PLCH1: variants seen among roughly 807,000 people sequenced by gnomAD.
PLCH1 encodes 1-phosphatidylinositol 4,5-bisphosphate phosphodiesterase eta-1.
Under a neutral mutation model 126.7 loss-of-function variants are expected in PLCH1, and 60 were observed. The observed-to-expected ratio is 0.47, with a 90% CI of 0.38 to 0.59. The LOEUF is 0.59. PLCH1 is among the 20% of genes least tolerant of loss of function. The pLI, the probability that PLCH1 is intolerant of heterozygous loss-of-function variation, is 0.00. For missense variants in PLCH1, 1,723 were observed against 2,040.0 expected (o/e 0.84, Z 2.99); for synonymous variants, 719 against 734.9 (o/e 0.98, Z 0.35).
At chr3:155,501,234 ATAAC>A (rs1334839895) in intron 13 of PLCH1, among the ~76,000 whole-genome samples, 1 of 152,208 alleles carries the variant, frequency 6.6e-6, no homozygotes, top group Non-Finnish European at 1.5e-5. Flanking sequence ...AAAAAAATAA[ATAAC>A]TACCATTTCT....
intron 6 of PLCH1, among the ~76,000 whole-genome samples, chr3:155,574,869 G>A (rs569104340): frequency 6.6e-6 from 1 of 152,172 alleles, no homozygotes; most frequent in South Asian, 2.1e-4. Flanking sequence ...GGTGGCTCAT[G>A]CCTGTATTCC....
chr3:155,569,084 A>G (rs868094842), intron 6 of PLCH1, among the ~76,000 whole-genome samples: 8 of 152,302 alleles, frequency 5.3e-5, no homozygotes, highest in Middle Eastern at 6.8e-3. Flanking sequence ...TAATATTAAT[A>G]TTATTGAGTC....
chr3:155,542,086 G>A (rs946643106), intron 10 of PLCH1, among the ~76,000 whole-genome samples: 7 of 152,228 alleles, frequency 4.6e-5, no homozygotes, highest in Admixed American at 1.3e-4. Context: ...GCAAGGCATT[G>A]CCTCAATCGG....
Position 155,481,769 on chromosome 3 carries a change from G to C in PLCH1, c.4257C>G (p.Val1419=), listed in dbSNP as rs1168097613. 6.2e-7 allele frequency: 1 copy of C among 1,613,950 alleles called. No homozygotes were observed. Among genetic ancestry groups the C allele is most frequent in the Non-Finnish European group, 8.5e-7 (1 of 1,179,948 alleles). ...VPEIFNNIQD[V]KTQSISYLAY... is the part of the protein sequence containing the mutation. Reference sequence around the variant, plus strand: ...CTAGATAAGAAATACTTTGAGTTTTGACATCTTGAATATTGTTGAATATTT... The same window carrying C: ...CTAGATAAGAAATACTTTGAGTTTTCACATCTTGAATATTGTTGAATATTT... The change falls in exon 23 of 23, where the codon GTC becomes GTG. Residue 1419 remains valine, a synonymous_variant. Transcript: ENST00000460012. The surrounding 1 kb of genome is among the most constrained non-coding windows in gnomAD (Gnocchi z 4.2).
At chr3:155,640,101 T>C (rs1739233765) in intron 2 of PLCH1, among the ~76,000 whole-genome samples, 1 of 152,362 alleles carries the variant, frequency 6.6e-6, no homozygotes, top group East Asian at 1.9e-4. Context: ...AACGGACTTA[T>C]ACAAACCTCT....
intron 11 of PLCH1, among the ~76,000 whole-genome samples, chr3:155,521,062 AACTCTTC>A (rs1200720286): frequency 6.6e-6 from 1 of 152,148 alleles, no homozygotes; most frequent in African/African-American, 2.4e-5. Flanking sequence ...CAGCATGGCT[AACTCTTC>A]ACTTCTTTCA....
chr3:155,615,088 G>GA (rs1352516021), intron 2 of PLCH1, among the ~76,000 whole-genome samples: 2 of 151,586 alleles, frequency 1.3e-5, no homozygotes, highest in South Asian at 2.1e-4. Flanking sequence ...AAATCAGCAA[G>GA]AAAAAAACAA....
chr3:155,498,104 T>C (rs1181342045), intron 14 of PLCH1, among the ~76,000 whole-genome samples: 1 of 152,226 alleles, frequency 6.6e-6, no homozygotes, highest in African/African-American at 2.4e-5. Context: ...GTCATCCCTT[T>C]GTCCAGCATA....
At chr3:155,653,140 GATATAGATA>G (rs1740918467) in intron 2 of PLCH1, among the ~76,000 whole-genome samples, 3 of 58,110 alleles carry the variant, frequency 5.2e-5, no homozygotes, top group Non-Finnish European at 9.0e-5. Context: ...TATAGATATA[GATATAGATA>G]TAGATATAGA....
At chr3:155,743,155 C>T (rs561195068) in intron 1 of PLCH1, 2 of 377,212 alleles carry the variant, frequency 5.3e-6, no homozygotes. Flanking sequence ...TGTACTTTTG[C>T]CAAATGCTAG....
chr3:155,546,871 C>T (rs1216258915), intron 10 of PLCH1, among the ~76,000 whole-genome samples: 4 of 142,776 alleles, frequency 2.8e-5, no homozygotes, highest in Admixed American at 1.4e-4. Flanking sequence ...TTCCTTACAC[C>T]TTATACAAAA....
chr3:155,669,906 TTA>T (rs1743229619), intron 2 of PLCH1, among the ~76,000 whole-genome samples: 2 of 152,192 alleles, frequency 1.3e-5, no homozygotes, highest in Admixed American at 1.3e-4. Flanking sequence ...TTTAATTTCT[TTA>T]TGAGACCTAC....
chr3:155,514,677 C>T, intron 12 of PLCH1, 46 bp downstream of exon 12: 2 of 1,222,510 alleles, frequency 1.6e-6, no homozygotes, highest in African/African-American at 1.6e-5. Flanking sequence ...GTATGAGATG[C>T]TTTTTTTTTC....
chr3:155,514,244 A>T (rs1389135430), intron 12 of PLCH1, among the ~76,000 whole-genome samples: 1 of 152,204 alleles, frequency 6.6e-6, no homozygotes. Context: ...TGGCAGTTGG[A>T]TGGCTAGACT....
In PLCH1 at chr3:155,563,854, C is replaced by T. The variant is rs16825097; in HGVS notation, c.1069+1061G>A. On this transcript the variant is annotated intron_variant, in intron 8 of 22. Transcript: ENST00000460012. ...ACTGATTTCTCATCACATTTTACCT[C>T]GCACTTCATTCTCTATACCACCACT... 5.0e-3 allele frequency among the ~76,000 whole-genome samples: 761 copies of T among 152,192 alleles called. 8 individuals are homozygous for T. Among genetic ancestry groups the T allele is most frequent in the Middle Eastern group, 0.017 (5 of 294 alleles).
intron 2 of PLCH1, among the ~76,000 whole-genome samples, chr3:155,700,487 T>C (rs1386026618): frequency 1.3e-5 from 2 of 152,218 alleles, no homozygotes; most frequent in Non-Finnish European, 2.9e-5. Flanking sequence ...TTTGTAATGG[T>C]TATTCCGAAA....
intron 2 of PLCH1, among the ~76,000 whole-genome samples, chr3:155,613,361 AC>A (rs1205471320): frequency 2.0e-5 from 3 of 149,848 alleles, no homozygotes; most frequent in Non-Finnish European, 3.0e-5. Context: ...ACAAAAAAAA[AC>A]AGACCAATAT....
intron 2 of PLCH1, among the ~76,000 whole-genome samples, chr3:155,699,899 C>G (rs535988407): frequency 6.6e-6 from 1 of 151,882 alleles, no homozygotes; most frequent in South Asian, 2.1e-4. Context: ...CAGTGCAACA[C>G]TAACTACAAA....
intron 2 of PLCH1, among the ~76,000 whole-genome samples, chr3:155,615,883 C>T (rs1349634129): frequency 2.0e-5 from 3 of 152,008 alleles, no homozygotes; most frequent in Non-Finnish European, 2.9e-5. Context: ...ACACATGTAA[C>T]CAAAAACCAC....
Sources: gnomAD v4.1 joint callset for allele counts (sites outside exome capture counted in the v4.1 genomes callset) on GRCh38, gnomAD v4.1.1 for gene constraint, Gnocchi (gnomAD v3.1) non-coding constraint, MANE v1.5 for transcripts, NCBI Gene and HGNC (gene_info 2026-07-23, HGNC 2026-07-21) for gene names.